Variants in RASGRP3 observed in about 807,000 individuals in gnomAD.
RASGRP3 encodes ras guanyl-releasing protein 3.
RASGRP3 carries 54 observed loss-of-function variants against 82.7 expected under a neutral mutation model. That is an observed-to-expected ratio of 0.65 (90% confidence interval 0.52 to 0.82). RASGRP3 has a LOEUF of 0.82. RASGRP3 is among the 40% of genes least tolerant of loss of function. The pLI, the probability that RASGRP3 is intolerant of heterozygous loss-of-function variation, is 0.00. For missense variants in RASGRP3, 861 were observed against 828.9 expected (o/e 1.04, Z -0.48); for synonymous variants, 309 against 300.5 (o/e 1.03, Z -0.29).
At chr2:33,470,553 G>A (rs112271764) in intron 2 of RASGRP3, among the ~76,000 whole-genome samples, 3,071 of 151,856 alleles carry the variant, frequency 0.02, 100 homozygotes, top group African/African-American at 0.069. Flanking sequence ...CTAATTTTTT[G>A]TATTTTTAGT....
intron 1 of RASGRP3, among the ~76,000 whole-genome samples, chr2:33,500,199 AG>A (rs1297291805): frequency 6.6e-6 from 1 of 152,130 alleles, no homozygotes; most frequent in Non-Finnish European, 1.5e-5. Context: ...GAGAGGAAAA[AG>A]GAGGGAGGGA....
At chr2:33,456,031 TTC>T (rs1666018042) in intron 2 of RASGRP3, among the ~76,000 whole-genome samples, 1 of 152,234 alleles carries the variant, frequency 6.6e-6, no homozygotes, top group South Asian at 2.1e-4. Flanking sequence ...TCTTTGCCAG[TTC>T]TCTTTGTCCC....
At chr2:33,460,578 G>A (rs575446086) in intron 2 of RASGRP3, among the ~76,000 whole-genome samples, 74 of 150,714 alleles carry the variant, frequency 4.9e-4, no homozygotes, top group Admixed American at 4.2e-3. Flanking sequence ...GCAATGGCGC[G>A]ATCTCGGCTC....
chr2:33,532,994 C>T (rs1396912896), intron 10 of RASGRP3: 1 of 152,152 alleles, frequency 6.6e-6, no homozygotes, highest in African/African-American at 2.4e-5. Context: ...TGGCTTCCTC[C>T]TTCTTTCTTT....
Position 33,522,220 on chromosome 2 carries a change from A to C in RASGRP3, c.516+118A>C, listed in dbSNP as rs763832107. 5.6e-4 allele frequency: 627 copies of C among 1,120,396 alleles called. 3 individuals are homozygous for C. The highest frequency in any genetic ancestry group is 7.4e-4 in the Non-Finnish European group (587 of 792,550). The allele number at this position is 1,120,396 out of a possible 1,614,324, so 69.4% of individuals were successfully genotyped here. A position where few individuals can be genotyped will look rare whatever the true frequency, so the allele number is the denominator to read the frequency against. On this transcript the variant is annotated intron_variant, in intron 7 of 17. Transcript: ENST00000403687. ...TTCTATCACTGTGCTCTGCTGGAGA[A>C]GTGCCCTTAATTCACAGGAACAATC...
chr2:33,478,499 C>G (rs556535445), intron 1 of RASGRP3, among the ~76,000 whole-genome samples: 4 of 152,084 alleles, frequency 2.6e-5, no homozygotes, highest in Non-Finnish European at 5.9e-5. Context: ...CCGGAATCAT[C>G]GAGCCTCCCA....
chr2:33,458,090 T>C (rs968953760), intron 2 of RASGRP3: 1 of 152,112 alleles, frequency 6.6e-6, no homozygotes, highest in East Asian at 1.9e-4. Context: ...CTTGCCCACT[T>C]TTTTTTGTTC....
At chr2:33,462,603 C>A (rs1227261314) in intron 2 of RASGRP3, among the ~76,000 whole-genome samples, 1 of 152,046 alleles carries the variant, frequency 6.6e-6, no homozygotes, top group Non-Finnish European at 1.5e-5. Flanking sequence ...GTTTCAAACT[C>A]CTGACCTCAG....
rs73926660 is a variant in RASGRP3, at chr2:33,458,892, T to C, written c.-261+10949T>C. On this transcript the variant is annotated intron_variant, in intron 2 of 18. Transcript: ENST00000402538. ...CAGTGATCTTTAGAGTTGATCGAAA[T>C]TGTGGTATGTGCAGATAATAAGGAC... 6.9e-3 allele frequency among the ~76,000 whole-genome samples: 1,045 copies of C among 152,264 alleles called. 7 individuals carry two copies. Among genetic ancestry groups the C allele is most frequent in the African/African-American group, 0.024 (991 of 41,554 alleles).
intron 1 of RASGRP3, 51 bp from the exon 2 acceptor site, chr2:33,511,659 G>C (rs1448976492): frequency 6.6e-6 from 1 of 152,530 alleles, no homozygotes; most frequent in Non-Finnish European, 1.5e-5. Flanking sequence ...GATTCTTTGG[G>C]GTTATCATGA....
At chr2:33,469,248 A>C in intron 2 of RASGRP3, among the ~76,000 whole-genome samples, 1 of 150,922 alleles carries the variant, frequency 6.6e-6, no homozygotes, top group Non-Finnish European at 1.5e-5. Flanking sequence ...TTTGAATCTC[A>C]TTTTATTATT....
chr2:33,504,364 A>G (rs764697288), intron 1 of RASGRP3, among the ~76,000 whole-genome samples: 4 of 152,078 alleles, frequency 2.6e-5, no homozygotes, highest in African/African-American at 7.2e-5. Flanking sequence ...TCATTGGTTT[A>G]TAATAACTGA....
chr2:33,539,103 T>A lies in RASGRP3; in HGVS notation c.1171T>A (p.Ser391Thr). The A allele has an allele frequency of 1.3e-6, 2 of 1,595,100 alleles. No homozygotes were observed. Among genetic ancestry groups the A allele is most frequent in the Non-Finnish European group, 1.7e-6 (2 of 1,170,760 alleles). The change falls in exon 12 of 18, where the codon TCC becomes ACC. Residue 391 changes from serine to threonine, a missense_variant. By Grantham distance (58) the Ser-to-Thr change is moderately conservative. Coordinates refer to ENST00000403687, the MANE Select transcript of RASGRP3 (RefSeq NM_001139488.2). ...EPRNSKSQPT[S>T]PTTPNKPVVP... ...TTTTTTTGTTTATCAGCAGCCTACC[T>A]CCCCTACGACGCCCAACAAGCCTGT...
Position 33,540,556 on chromosome 2 carries a change from TTGTGTGTGTG to T in RASGRP3, c.1278+1386_1278+1395del, listed in dbSNP as rs377215232. Among the ~76,000 whole-genome samples the T allele has an allele frequency of 1.4e-3, 53 of 38,626 alleles. 6 individuals carry two copies. The highest frequency in any genetic ancestry group is 1.8e-3 in the Non-Finnish European group (39 of 22,198). The allele number at this position is 38,626 out of a possible 152,430, so 25.3% of individuals were successfully genotyped here. A position where few individuals can be genotyped will look rare whatever the true frequency, so the allele number is the denominator to read the frequency against. On this transcript the variant is annotated intron_variant, in intron 12 of 17. Coordinates refer to ENST00000403687, the MANE Select transcript of RASGRP3 (RefSeq NM_001139488.2). ...CTCTCTCTCTCTCTGTGTGTGTGTT[TTGTGTGTGTG>T]TGTGTGTGTGTGTGTGTGTGTGTGT...
At chr2:33,548,144 A>G (rs955752990) in intron 13 of RASGRP3, among the ~76,000 whole-genome samples, 1 of 151,878 alleles carries the variant, frequency 6.6e-6, no homozygotes, top group Non-Finnish European at 1.5e-5. Flanking sequence ...GGCGGATCAC[A>G]AGGTCAGGAG....
chr2:33,518,654 TG>T lies in RASGRP3; in HGVS notation c.174-1297del, dbSNP rs571611646. On this transcript the variant is annotated intron_variant, in intron 4 of 17. Coordinates refer to ENST00000403687, the MANE Select transcript of RASGRP3 (RefSeq NM_001139488.2). Reference sequence around the variant, plus strand: ...TTAAAACACAAATATATTGCACTGCTGTAAAAAATATTTTCTTTCTTAATAT... The same window carrying T: ...TTAAAACACAAATATATTGCACTGCTTAAAAAATATTTTCTTTCTTAATAT... Among the ~76,000 whole-genome samples the T allele has an allele frequency of 2.0e-5, 3 of 152,364 alleles. No individual in the cohort carries two copies. In the South Asian group the frequency reaches 6.2e-4, roughly 32 times the overall value.
chr2:33,478,420 G>C (rs777908454), intron 1 of RASGRP3, among the ~76,000 whole-genome samples: 2 of 152,084 alleles, frequency 1.3e-5, no homozygotes, highest in Admixed American at 6.5e-5. Context: ...TAGGGAGTTT[G>C]TTCCTGGTAT....
chr2:33,537,330 C>CCA (rs1553359126), intron 11 of RASGRP3, among the ~76,000 whole-genome samples: 2,738 of 95,598 alleles, frequency 0.029, 281 homozygotes, highest in Non-Finnish European at 0.035. Context: ...ACCGCCCCCC[C>CCA]CACACACACA....
At chr2:33,537,727 T>C (rs1272572261) in intron 11 of RASGRP3, among the ~76,000 whole-genome samples, 1 of 152,008 alleles carries the variant, frequency 6.6e-6, no homozygotes, top group Non-Finnish European at 1.5e-5. Flanking sequence ...CCAGCAAAAA[T>C]GTTGACATTT....
Sources: gnomAD v4.1 joint callset for allele counts (sites outside exome capture counted in the v4.1 genomes callset) on GRCh38, gnomAD v4.1.1 for gene constraint, MANE v1.5 for transcripts, NCBI Gene and HGNC (gene_info 2026-07-23, HGNC 2026-07-21) for gene names.